DENND4C: variants seen among roughly 807,000 people sequenced by gnomAD.
The protein encoded by DENND4C is DENN domain containing 4C.
Under a neutral mutation model 203.0 loss-of-function variants are expected in DENND4C, and 108 were observed. The observed-to-expected ratio is 0.53, with a 90% CI of 0.46 to 0.62. The LOEUF (loss-of-function observed/expected upper bound fraction) is 0.62, where lower values mean the gene tolerates loss of function less well. Ranked by LOEUF, DENND4C falls within the 20% of genes least tolerant of loss-of-function variation. DENND4C has a pLI of 0.00. For missense variants in DENND4C, 2,481 were observed against 2,301.2 expected (o/e 1.08, Z -1.60); for synonymous variants, 871 against 792.4 (o/e 1.10, Z -1.67).
intron 1 of DENND4C, among the ~76,000 whole-genome samples, chr9:19,258,862 C>T (rs1828651782): frequency 6.6e-6 from 1 of 152,044 alleles, no homozygotes; most frequent in African/African-American, 2.4e-5. Flanking sequence ...ACCATGTTGG[C>T]CAGGCTGGTC....
chr9:19,309,493 G>A (rs1294696012), intron 10 of DENND4C, among the ~76,000 whole-genome samples: 2 of 151,698 alleles, frequency 1.3e-5, no homozygotes, highest in African/African-American at 2.4e-5. Flanking sequence ...CCATTGAATT[G>A]CACAGGTCAA....
intron 1 of DENND4C, among the ~76,000 whole-genome samples, chr9:19,239,874 A>G (rs778143358): frequency 2.0e-5 from 3 of 152,150 alleles, no homozygotes; most frequent in Admixed American, 1.3e-4. Context: ...GCTTGAAAAG[A>G]TGGTTTATCT....
chr9:19,364,093 G>T (rs528694730), intron 30 of DENND4C, among the ~76,000 whole-genome samples: 78 of 152,200 alleles, frequency 5.1e-4, no homozygotes, highest in African/African-American at 1.8e-3. Context: ...CAAGGCAGGA[G>T]AATCCCTTGA....
chr9:19,364,273 A>G (rs1487675867), intron 30 of DENND4C, among the ~76,000 whole-genome samples: 1 of 152,232 alleles, frequency 6.6e-6, no homozygotes, highest in Non-Finnish European at 1.5e-5. Flanking sequence ...TTGTTTAAAA[A>G]AATTTAAAGA....
At chr9:19,333,132 A>G (rs929920903) in intron 17 of DENND4C, among the ~76,000 whole-genome samples, 4 of 151,974 alleles carry the variant, frequency 2.6e-5, no homozygotes, top group African/African-American at 9.7e-5. Flanking sequence ...TTCCTGCCTC[A>G]GCCTCCTGAG....
intron 27 of DENND4C, 96 bp from the exon 28 acceptor site, chr9:19,357,853 TTCTTAGATATATTTAG>T: frequency 3.5e-6 from 3 of 855,648 alleles, no homozygotes; most frequent in Non-Finnish European, 5.1e-6. Flanking sequence ...GTGCTGATTC[TTCTTAGATATATTTAG>T]TAGACTCAAG....
In DENND4C at chr9:19,358,287, A is replaced by C. The variant is rs1825805722; in HGVS notation, c.5160+127A>C. On this transcript the variant is annotated intron_variant, in intron 28 of 32. Transcript: ENST00000434457. This position sits in a 1 kb window ranked among gnomAD's most constrained non-coding sequence, Gnocchi z 4.8. ...AAAGTGATAGAGTTTTTCCATAAACAAATAACTTTTTATTGTGGAGAATTT... is the reference window on the plus strand; with the variant it reads ...AAAGTGATAGAGTTTTTCCATAAACCAATAACTTTTTATTGTGGAGAATTT... The C allele has an allele frequency of 3.9e-6, 3 of 761,460 alleles. No homozygotes were observed. Among genetic ancestry groups the C allele is most frequent in the Admixed American group, 3.4e-5 (1 of 29,840 alleles). 47.2% of individuals were successfully genotyped at this position (761,460 alleles called of 1,614,324 possible).
chr9:19,285,938 C>T lies in DENND4C; in HGVS notation c.306-831C>T, dbSNP rs115251976. Among the ~76,000 whole-genome samples the T allele has an allele frequency of 7.4e-3, 1,132 of 152,242 alleles. 18 individuals are homozygous for T. Among genetic ancestry groups the T allele is most frequent in the African/African-American group, 0.026 (1,095 of 41,568 alleles). On this transcript the variant is annotated intron_variant, in intron 2 of 32. Coordinates refer to ENST00000434457, the MANE Select transcript of DENND4C (RefSeq NM_001330640.2). ...CTATATGTTTATTCTTATGCCAATA[C>T]ATTGCACTGATTACTGTAGATGTGT...
chr9:19,363,931 T>A (rs942475063), intron 30 of DENND4C, among the ~76,000 whole-genome samples: 1 of 152,034 alleles, frequency 6.6e-6, no homozygotes, highest in Non-Finnish European at 1.5e-5. Context: ...GGAGAATTGC[T>A]TGGACCCGGG....
chr9:19,281,851 G>A (rs775839697), intron 2 of DENND4C, among the ~76,000 whole-genome samples: 7 of 152,182 alleles, frequency 4.6e-5, no homozygotes, highest in Non-Finnish European at 8.8e-5. Flanking sequence ...AATAGATACT[G>A]TAGGCAACTT....
rs1268832042 is a variant in DENND4C at position 19,328,070 on chromosome 9, A to C, written c.2161A>C (p.Arg721=). Residue 721 remains arginine (R), a synonymous_variant, in exon 16 of 33, where the codon AGA becomes CGA. Transcript: ENST00000434457. ...FPRLDLKLFD[R]PQELKLCFSR... ...AAGACTGGACCTTAAGCTTTTTGAC[A>C]GACCGCAGGAGTTGAAACTTTGTTT... 1 of 1,612,694 alleles carries C rather than the reference A, an allele frequency of 6.2e-7. No homozygotes were observed. Among genetic ancestry groups the C allele is most frequent in the African/African-American group, 1.3e-5 (1 of 74,778 alleles).
chr9:19,342,550 A>G lies in DENND4C; in HGVS notation c.3005-83A>G, dbSNP rs981761377. Reference sequence around the variant, plus strand: ...CACACTGACTGTTGGAGAAAAATACATACAATATCTAAAAGTCAATATATG... The same window carrying G: ...CACACTGACTGTTGGAGAAAAATACGTACAATATCTAAAAGTCAATATATG... On this transcript the variant is annotated intron_variant, in intron 21 of 32. Coordinates refer to ENST00000434457, the MANE Select transcript of DENND4C (RefSeq NM_001330640.2). 1.9e-5 allele frequency: 26 copies of G among 1,383,240 alleles called. No individual in the cohort carries two copies. In the African/African-American group the frequency reaches 2.6e-4, roughly 14 times the overall value. 85.7% of individuals were successfully genotyped at this position (1,383,240 alleles called of 1,614,324 possible).
intron 1 of DENND4C, among the ~76,000 whole-genome samples, chr9:19,238,731 GCAACCCCCGTACCCCGGGTT>G: frequency 7.2e-6 from 1 of 139,030 alleles, no homozygotes; most frequent in South Asian, 2.5e-4. Context: ...TCGGCTCACT[GCAACCCCCGTACCCCGGGTT>G]CAAGTGATTC....
At chr9:19,333,314 C>G (rs939100348) in intron 17 of DENND4C, among the ~76,000 whole-genome samples, 11 of 152,108 alleles carry the variant, frequency 7.2e-5, no homozygotes, top group African/African-American at 2.2e-4. Flanking sequence ...CTGCACCTGG[C>G]CTATGGAACC....
chr9:19,303,545 C>G (rs1217844994), intron 9 of DENND4C, among the ~76,000 whole-genome samples: 12 of 152,164 alleles, frequency 7.9e-5, no homozygotes, highest in Non-Finnish European at 1.6e-4. Flanking sequence ...GACTTTTATC[C>G]TAAACTATAA....
rs182398426 is a variant in DENND4C at position 19,330,157 on chromosome 9, G to A, written c.2254-1821G>A. Among the ~76,000 whole-genome samples the A allele has an allele frequency of 8.1e-3, 1,236 of 151,686 alleles. 8 individuals are homozygous for A. Among genetic ancestry groups the A allele is most frequent in the Non-Finnish European group, 0.012 (782 of 67,902 alleles). ...CTAACAAAAGGCAAATTTCTAAAAC[G>A]AGAAAATTTTGCTAACTCAGCCTCT... On this transcript the variant is annotated intron_variant, in intron 16 of 32. Transcript: ENST00000434457.
chr9:19,309,408 GC>G (rs1366593201), intron 10 of DENND4C, among the ~76,000 whole-genome samples: 1 of 146,348 alleles, frequency 6.8e-6, no homozygotes, highest in Non-Finnish European at 1.5e-5. Flanking sequence ...GGCAATAAGA[GC>G]AAAACTCCAT....
intron 30 of DENND4C, among the ~76,000 whole-genome samples, chr9:19,365,506 A>C (rs1328804385): frequency 6.6e-6 from 1 of 152,148 alleles, no homozygotes; most frequent in Non-Finnish European, 1.5e-5. Context: ...TGCCATTTTT[A>C]TTTACCATTC....
At position 19,346,148 on chromosome 9, in the gene DENND4C, A is replaced by G; in HGVS notation, c.3379A>G (p.Lys1127Glu). The change falls in exon 23 of 33, where the codon AAG (lysine) becomes GAG (glutamate). Residue 1127 changes from lysine to glutamate, a missense_variant. By Grantham distance (56) the Lys-to-Glu change is moderately conservative. Coordinates refer to ENST00000434457, the MANE Select transcript of DENND4C (RefSeq NM_001330640.2). ...GGCTATCATGATGGGAGCAGATGCC[A>G]AGATTCTCACAGCAGCATTGACATG... Reference protein sequence around the residue: ...EMAIMMGADAKILTAALTCPK... With the variant: ...EMAIMMGADAEILTAALTCPK... The G allele has an allele frequency of 1.9e-6, 3 of 1,614,224 alleles. No homozygotes were observed. Among genetic ancestry groups the G allele is most frequent in the Admixed American group, 1.7e-5 (1 of 60,032 alleles).
Sources: gnomAD v4.1 joint callset for allele counts (sites outside exome capture counted in the v4.1 genomes callset) on GRCh38, gnomAD v4.1.1 for gene constraint, Gnocchi (gnomAD v3.1) non-coding constraint, MANE v1.5 for transcripts, NCBI Gene and HGNC (gene_info 2026-07-23, HGNC 2026-07-21) for gene names.